Variants in CACNA2D4 observed in about 807,000 individuals in gnomAD.
CACNA2D4 encodes the protein voltage-dependent calcium channel subunit alpha-2/delta-4.
CACNA2D4 carries 157 observed loss-of-function variants against 163.8 expected under a neutral mutation model. The observed-to-expected ratio is 0.96, with a 90% CI of 0.84 to 1.09. The LOEUF (loss-of-function observed/expected upper bound fraction) is 1.09, where lower values mean the gene tolerates loss of function less well. Ranked by LOEUF, CACNA2D4 falls within the 50% of genes least tolerant of loss-of-function variation. CACNA2D4 has a pLI of 0.00. For missense variants in CACNA2D4, 1,410 were observed against 1,479.9 expected (o/e 0.95, Z 0.78); for synonymous variants, 598 against 586.9 (o/e 1.02, Z -0.27).
chr12:1,816,106 C>T (rs1408846908), intron 26 of CACNA2D4, among the ~76,000 whole-genome samples: 1 of 152,138 alleles, frequency 6.6e-6, no homozygotes, highest in Non-Finnish European at 1.5e-5. Context: ...GAGTCTTCTC[C>T]CCCAGGATCC....
At position 1,875,340 on chromosome 12, in the gene CACNA2D4, G is replaced by A. The variant is rs758846394; in HGVS notation, c.1720-3C>T. On this transcript the variant is annotated splice_polypyrimidine_tract_variant and splice_region_variant and intron_variant, in intron 16 of 37. Transcript: ENST00000382722. The surrounding 1 kb of genome is among the most constrained non-coding windows in gnomAD (Gnocchi z 4.0). ...TTTAGTTTCTTCCCCTCTCTGTACT[G>A]GAGTGGGCAGGTCAGGAAGAAAAAC... The A allele has an allele frequency of 2.5e-6, 4 of 1,597,274 alleles. No individual in the cohort carries two copies. The highest frequency in any genetic ancestry group is 1.1e-5 in the South Asian group (1 of 90,744).
intron 28 of CACNA2D4, 43 bp downstream of exon 28, chr12:1,810,500 C>T (rs763936243): frequency 1.9e-6 from 3 of 1,544,848 alleles, no homozygotes; most frequent in Non-Finnish European, 2.6e-6. Flanking sequence ...GGGCGGAGGG[C>T]CATGGCTCCC....
Position 1,884,302 on chromosome 12 carries a change from A to G in CACNA2D4, c.1292T>C (p.Leu431Pro). The G allele has an allele frequency of 6.2e-7, 1 of 1,612,576 alleles. No individual in the cohort carries two copies. Among genetic ancestry groups the G allele is most frequent in the Non-Finnish European group, 8.5e-7 (1 of 1,179,504 alleles). Residue 431 changes from leucine to proline, a missense_variant, in exon 12 of 38, where the codon CTC becomes CCC. Transcript: ENST00000382722. ...AGCAAAAGACACTTCTCTCCCAATGAGGTAAGTGAAAACTCGGACCTAACC... is the reference window on the plus strand; with the variant it reads ...AGCAAAAGACACTTCTCTCCCAATGGGGTAAGTGAAAACTCGGACCTAACC... The part of the protein sequence containing the change: ...PDCKVRVFTY[L>P]IGREVSFADR...
rs950454471 is a variant in CACNA2D4 at position 1,800,015 on chromosome 12, C to T, written c.2959G>A (p.Asp987Asn). The T allele has an allele frequency of 1.2e-5, 19 of 1,604,748 alleles. No individual in the cohort carries two copies. Among genetic ancestry groups the T allele is most frequent in the South Asian group, 3.4e-5 (3 of 89,052 alleles). The stretch of plus-strand genomic sequence containing the variant: ...GTGCACTCACCCTCGGCCCCTCTGT[C>T]GTACCAGGAGCCCCAGACACTCCAC... ...LEWSVWGSWY[D>N]RGAEAKSVFH... Residue 987 changes from aspartate to asparagine, a missense_variant, in exon 33 of 38, where the codon GAC becomes AAC. Physicochemically the swap from Asp to Asn is conservative, Grantham distance 23 (BLOSUM62 1). Coordinates refer to ENST00000382722, the MANE Select transcript of CACNA2D4 (RefSeq NM_172364.5).
At position 1,792,782 on chromosome 12, in the gene CACNA2D4, G is replaced by A. The variant is rs1453471920; in HGVS notation, c.*873C>T. The A allele has an allele frequency of 2.6e-5, 4 of 152,188 alleles. No individual in the cohort carries two copies. Among genetic ancestry groups the A allele is most frequent in the Non-Finnish European group, 4.4e-5 (3 of 68,028 alleles). The allele number at this position is 152,188 out of a possible 1,614,324, so 9.4% of individuals were successfully genotyped here. On this transcript the variant is annotated 3_prime_UTR_variant, in exon 38 of 38. Coordinates refer to ENST00000382722, the MANE Select transcript of CACNA2D4 (RefSeq NM_172364.5). ...GATTTCACTCCAGGGACAGAGTCAA[G>A]TAGATTCTTTTGTAAATCATTGGCC...
rs751072853 is a variant in CACNA2D4, at chr12:1,853,949, A to C, written c.2246+2T>G. The C allele has an allele frequency of 1.2e-6, 2 of 1,611,704 alleles. No individual in the cohort carries two copies. Among genetic ancestry groups the C allele is most frequent in the Admixed American group, 3.3e-5 (2 of 59,912 alleles). On this transcript the variant is annotated splice_donor_variant, in intron 23 of 37. Coordinates refer to ENST00000382722, the MANE Select transcript of CACNA2D4 (RefSeq NM_172364.5). LOFTEE classifies it high-confidence loss of function. The stretch of plus-strand genomic sequence containing the variant: ...CCTGGGAACCTGGGAACCTGGACCT[A>C]CTCGGACATGTTGAGGGCCAGCGCT...
intron 26 of CACNA2D4, chr12:1,836,538 A>T (rs1035179928): frequency 4.6e-5 from 7 of 152,350 alleles, no homozygotes; most frequent in Admixed American, 3.3e-4. Flanking sequence ...TGGGCTGCTT[A>T]CTGGGACCCC....
At chr12:1,865,989 C>T (rs895278813) in intron 18 of CACNA2D4, among the ~76,000 whole-genome samples, 3 of 152,154 alleles carry the variant, frequency 2.0e-5, no homozygotes, top group African/African-American at 4.8e-5. Flanking sequence ...CCTTCCTTGT[C>T]TTTGTGCCTT....
At position 1,883,094 on chromosome 12, in the gene CACNA2D4, TA is replaced by T; in HGVS notation, c.1352-95del. ...ACCCTCCCCAGCTGCAGATGGCTCA[TA>T]GCCGAATACTCTCTGGAAACTGGAC... On this transcript the variant is annotated intron_variant, in intron 12 of 37. Coordinates refer to ENST00000382722, the MANE Select transcript of CACNA2D4 (RefSeq NM_172364.5). The surrounding 1 kb of genome is among the most constrained non-coding windows in gnomAD (Gnocchi z 4.5). 7.4e-7 allele frequency: 1 copy of T among 1,356,434 alleles called. No homozygotes were observed. The highest frequency in any genetic ancestry group is 1.0e-6 in the Non-Finnish European group (1 of 991,012). The allele number at this position is 1,356,434 out of a possible 1,614,324, so 84.0% of individuals were successfully genotyped here.
At chr12:1,865,480 T>A (rs2154448808) in intron 18 of CACNA2D4, among the ~76,000 whole-genome samples, 1 of 152,364 alleles carries the variant, frequency 6.6e-6, no homozygotes, top group Admixed American at 6.5e-5. Context: ...GTGTTCTCTT[T>A]ACTGCAAGAG....
intron 26 of CACNA2D4, among the ~76,000 whole-genome samples, chr12:1,817,869 CA>C (rs1863931017): frequency 6.6e-6 from 1 of 152,034 alleles, no homozygotes; most frequent in Non-Finnish European, 1.5e-5. Flanking sequence ...CTTGGCCTCC[CA>C]AAGTGCCGAG....
At chr12:1,912,986 G>A in intron 3 of CACNA2D4, 37 bp downstream of exon 3, 1 of 1,365,042 alleles carries the variant, frequency 7.3e-7, no homozygotes, top group Non-Finnish European at 1.0e-6. Context: ...TCATGGGGCT[G>A]GGGAGAAACG....
Position 1,914,841 on chromosome 12 carries a change from G to T in CACNA2D4, c.309+13C>A. The T allele has an allele frequency of 6.2e-7, 1 of 1,602,384 alleles. No individual in the cohort carries two copies. On this transcript the variant is annotated intron_variant, in intron 2 of 37. Coordinates refer to ENST00000382722, the MANE Select transcript of CACNA2D4 (RefSeq NM_172364.5). ...CTGCCACCCGGTGGGCTCTCTGGAAGGGGGTGACTGACCTTCTGCAGCAAG... is the reference window on the plus strand; with the variant it reads ...CTGCCACCCGGTGGGCTCTCTGGAATGGGGTGACTGACCTTCTGCAGCAAG...
intron 16 of CACNA2D4, among the ~76,000 whole-genome samples, chr12:1,876,975 G>A (rs542677930): frequency 3.9e-5 from 6 of 152,250 alleles, no homozygotes; most frequent in Non-Finnish European, 7.4e-5. Flanking sequence ...GCATATCCTC[G>A]TTATTTTTTC....
Position 1,884,300 on chromosome 12 carries a change from T to C in CACNA2D4, c.1294A>G (p.Ile432Val). 6.2e-7 allele frequency: 1 copy of C among 1,612,526 alleles called. No individual in the cohort carries two copies. Among genetic ancestry groups the C allele is most frequent in the Non-Finnish European group, 8.5e-7 (1 of 1,179,480 alleles). Residue 432 changes from isoleucine (I) to valine (V), a missense_variant, in exon 12 of 38, where the codon ATT becomes GTT. By Grantham distance (29) the Ile-to-Val change is conservative. Transcript: ENST00000382722. ...DCKVRVFTYLIGREVSFADRM... is the reference protein window; with the variant it reads ...DCKVRVFTYLVGREVSFADRM... ...TCAGCAAAAGACACTTCTCTCCCAA[T>C]GAGGTAAGTGAAAACTCGGACCTAA...
intron 6 of CACNA2D4, among the ~76,000 whole-genome samples, chr12:1,896,438 A>G (rs578065680): frequency 1.4e-4 from 21 of 152,274 alleles, no homozygotes; most frequent in African/African-American, 4.6e-4. Flanking sequence ...TGGGCAAAAG[A>G]CATGAATAGA....
At chr12:1,861,816 T>C (rs1230461905) in intron 18 of CACNA2D4, among the ~76,000 whole-genome samples, 2 of 152,166 alleles carry the variant, frequency 1.3e-5, no homozygotes, top group Non-Finnish European at 2.9e-5. Context: ...CTTCGATACA[T>C]GTATCCAGCC....
rs930702163 is a variant in CACNA2D4, at chr12:1,883,580, G to A, written c.1352-580C>T. Among the ~76,000 whole-genome samples the A allele has an allele frequency of 6.6e-6, 1 of 152,052 alleles. No individual in the cohort carries two copies. Among genetic ancestry groups the A allele is most frequent in the East Asian group, 1.9e-4 (1 of 5,190 alleles). On this transcript the variant is annotated intron_variant, in intron 12 of 37. Transcript: ENST00000382722. This position sits in a 1 kb window ranked among gnomAD's most constrained non-coding sequence, Gnocchi z 4.5. ...ACCTCCCACCGTGTTCATCCCCCTC[G>A]CCAGTGAGATGCAGCACCTCTCTGC...
intron 24 of CACNA2D4, among the ~76,000 whole-genome samples, chr12:1,845,675 C>T (rs1181642074): frequency 2.6e-5 from 4 of 152,136 alleles, no homozygotes; most frequent in Non-Finnish European, 5.9e-5. Flanking sequence ...TGGCACCGCT[C>T]GGCCCCTAAC....
Sources: allele counts gnomAD v4.1 joint callset (sites outside exome capture counted in the v4.1 genomes callset), GRCh38; gene constraint gnomAD v4.1.1; non-coding constraint Gnocchi (gnomAD v3.1); transcripts MANE v1.5; gene names NCBI Gene and HGNC (gene_info 2026-07-23, HGNC 2026-07-21).